AGMO: variants seen among roughly 807,000 people sequenced by gnomAD.
AGMO encodes alkylglycerol monooxygenase.
AGMO carries 75 observed loss-of-function variants against 60.2 expected under a neutral mutation model. The ratio of observed to expected loss-of-function variants is 1.25; its 90% CI spans 1.03 to 1.51. The LOEUF (loss-of-function observed/expected upper bound fraction) is 1.51. Ranked by LOEUF, AGMO falls within the 40% of genes most tolerant of loss-of-function variation. AGMO has a pLI of 0.00. For missense variants in AGMO, 763 were observed against 525.5 expected (o/e 1.45, Z -4.42); for synonymous variants, 261 against 177.1 (o/e 1.47, Z -3.76).
rs1782816826 is a variant in AGMO, at chr7:15,248,205, T to TATATATATATATATATAC, written c.1264-46847_1264-46846insGTATATATATATATATAT. On this transcript the variant is annotated intron_variant, in intron 12 of 12. Transcript: ENST00000342526. ...ATATATATATATATATATATATATA[T>TATATATATATATATATAC]ATATATATATATATATATATCTTCA... is the stretch of plus-strand genomic sequence containing the variant. Among the ~76,000 whole-genome samples, 17 of 96,712 alleles carry TATATATATATATATATAC rather than the reference T, an allele frequency of 1.8e-4. 2 individuals carry two copies. The South Asian group carries it at 5.4e-3, about 31-fold the overall frequency. 63.4% of individuals were successfully genotyped at this position (96,712 alleles called of 152,430 possible).
rs116781823 is a variant in AGMO at position 15,303,464 on chromosome 7, G to A, written c.1263+62050C>T. Among the ~76,000 whole-genome samples, 1,113 of 151,942 alleles carry A rather than the reference G, an allele frequency of 7.3e-3. 9 individuals carry two copies. Among genetic ancestry groups the A allele is most frequent in the African/African-American group, 0.026 (1,064 of 41,488 alleles). ...AAAAAAAAGAGAGAGAAGGGGTGGT[G>A]AACATCTGGGGTGGTTTCTTTTCTG... is the stretch of plus-strand genomic sequence containing the variant. On this transcript the variant is annotated intron_variant, in intron 12 of 12. Coordinates refer to ENST00000342526, the MANE Select transcript of AGMO (RefSeq NM_001004320.2).
chr7:15,366,340 A>T (rs1223484873), intron 10 of AGMO, 118 bp from the exon 11 acceptor site: 1 of 600,668 alleles, frequency 1.7e-6, no homozygotes, highest in East Asian at 3.1e-5. Context: ...CTTGTCATTG[A>T]CACTTTACAG....
chr7:15,246,987 G>C (rs1308386939), intron 12 of AGMO, among the ~76,000 whole-genome samples: 1 of 152,104 alleles, frequency 6.6e-6, no homozygotes, highest in South Asian at 2.1e-4. Context: ...TGTACTTTCT[G>C]TAGAGACATG....
intron 5 of AGMO, among the ~76,000 whole-genome samples, chr7:15,397,234 C>A (rs562713393): frequency 6.6e-6 from 1 of 152,264 alleles, no homozygotes; most frequent in African/African-American, 2.4e-5. Context: ...GAAGAGGGAA[C>A]GGCGGTCCGC....
At chr7:15,155,668 C>T in the AGMO span, among the ~76,000 whole-genome samples, 5 of 151,940 alleles carry the variant, frequency 3.3e-5, no homozygotes, top group Admixed American at 1.3e-4. Context: ...AAACCATTGC[C>T]GGGGAGATAG....
At chr7:15,331,009 C>A (rs538456092) in intron 12 of AGMO, among the ~76,000 whole-genome samples, 1 of 152,054 alleles carries the variant, frequency 6.6e-6, no homozygotes, top group Non-Finnish European at 1.5e-5. Context: ...ATTACATTTT[C>A]CCCCTTGGCC....
chr7:15,295,708 A>T (rs1340465788), intron 12 of AGMO, among the ~76,000 whole-genome samples: 2 of 152,140 alleles, frequency 1.3e-5, no homozygotes, highest in Admixed American at 6.6e-5. Flanking sequence ...GCAAAGTGGT[A>T]TATTTATCAG....
At chr7:15,306,370 T>C (rs1181456033) in intron 12 of AGMO, 1 of 333,130 alleles carries the variant, frequency 3.0e-6, no homozygotes, top group South Asian at 2.5e-5. Context: ...AAAAGACCCC[T>C]TGGGGCTTAC....
chr7:15,274,867 CA>C (rs1201012889), intron 12 of AGMO, among the ~76,000 whole-genome samples: 2 of 151,712 alleles, frequency 1.3e-5, no homozygotes, highest in East Asian at 3.9e-4. Flanking sequence ...AGTCTCTAAT[CA>C]TTTTTTTTTC....
chr7:15,367,678 C>T (rs926793780), intron 10 of AGMO, among the ~76,000 whole-genome samples: 2 of 152,002 alleles, frequency 1.3e-5, no homozygotes, highest in African/African-American at 4.8e-5. Context: ...AATACGACTT[C>T]AGATTAAAAG....
chr7:15,287,368 CT>C (rs1784127555), intron 12 of AGMO, among the ~76,000 whole-genome samples: 1 of 152,072 alleles, frequency 6.6e-6, no homozygotes, highest in East Asian at 1.9e-4. Context: ...CTCCTATTTT[CT>C]TTGCCACCGA....
At chr7:15,260,738 T>C (rs1324300970) in intron 12 of AGMO, among the ~76,000 whole-genome samples, 2 of 152,046 alleles carry the variant, frequency 1.3e-5, no homozygotes, top group Non-Finnish European at 2.9e-5. Context: ...ACATAAAACA[T>C]TGTTCAAGGT....
intron 3 of AGMO, among the ~76,000 whole-genome samples, chr7:15,480,350 G>A (rs1308134349): frequency 6.6e-6 from 1 of 152,108 alleles, no homozygotes; most frequent in Admixed American, 6.5e-5. Flanking sequence ...AGAGTCAGTT[G>A]AATGTAACTT....
chr7:15,169,057 C>G, the AGMO span, among the ~76,000 whole-genome samples: 1 of 152,154 alleles, frequency 6.6e-6, no homozygotes, highest in Admixed American at 6.5e-5. Flanking sequence ...GGTGGATAAC[C>G]AGATGAGCAT....
the AGMO span, among the ~76,000 whole-genome samples, chr7:15,184,783 T>G: frequency 5.1e-4 from 35 of 69,144 alleles, no homozygotes; most frequent in African/African-American, 7.1e-4. Flanking sequence ...GAGGGAAGGA[T>G]GGAAGGAAGG....
intron 12 of AGMO, among the ~76,000 whole-genome samples, chr7:15,267,236 G>A (rs1176038054): frequency 2.0e-5 from 3 of 149,220 alleles, no homozygotes; most frequent in Non-Finnish European, 4.5e-5. Flanking sequence ...TATTTCCAGT[G>A]ATTTCTCTTT....
intron 12 of AGMO, among the ~76,000 whole-genome samples, chr7:15,217,905 C>T: frequency 6.6e-6 from 1 of 151,826 alleles, no homozygotes; most frequent in Non-Finnish European, 1.5e-5. Context: ...ATTTATTTAA[C>T]TTTATTTTCG....
the AGMO span, among the ~76,000 whole-genome samples, chr7:15,181,994 G>T: frequency 6.6e-6 from 1 of 152,154 alleles, no homozygotes; most frequent in Non-Finnish European, 1.5e-5. Flanking sequence ...AGGACAAACA[G>T]AATTTGGTAT....
At chr7:15,382,127 A>G (rs1783718480) in intron 10 of AGMO, among the ~76,000 whole-genome samples, 1 of 152,192 alleles carries the variant, frequency 6.6e-6, no homozygotes, top group South Asian at 2.1e-4. Flanking sequence ...ACACAAGTTT[A>G]CCTATGTAAC....
Sources: allele counts gnomAD v4.1 joint callset (sites outside exome capture counted in the v4.1 genomes callset), GRCh38; gene constraint gnomAD v4.1.1; transcripts MANE v1.5; gene names NCBI Gene and HGNC (gene_info 2026-07-23, HGNC 2026-07-21).